PCDH15: variants seen among roughly 807,000 people sequenced by gnomAD.
PCDH15 encodes the protein protocadherin-15.
In PCDH15, 129 loss-of-function variants were observed where a neutral mutation model predicts 178.5. The ratio of observed to expected loss-of-function variants is 0.72; its 90% CI spans 0.63 to 0.84. The LOEUF is 0.84. PCDH15 is among the 40% of genes least tolerant of loss of function. PCDH15 has a pLI of 0.00. For synonymous variants in PCDH15, 800 were observed against 732.0 expected (o/e 1.09, Z -1.50); for missense variants, 2,230 against 2,099.9 (o/e 1.06, Z -1.21).
intron 2 of PCDH15, among the ~76,000 whole-genome samples, chr10:55,166,133 A>G (rs1839190155): frequency 6.6e-6 from 1 of 152,134 alleles, no homozygotes; most frequent in East Asian, 1.9e-4. Context: ...ACTTCTGCCT[A>G]TAATACTCAG....
At chr10:55,235,059 GA>G (rs1841339617) in intron 1 of PCDH15, among the ~76,000 whole-genome samples, 1 of 150,570 alleles carries the variant, frequency 6.6e-6, no homozygotes, top group Non-Finnish European at 1.5e-5. Context: ...TAAAAGTCAC[GA>G]AATCCAGTTT....
intron 15 of PCDH15, among the ~76,000 whole-genome samples, chr10:54,113,182 T>C (rs915964713): frequency 3.3e-5 from 5 of 152,202 alleles, no homozygotes; most frequent in African/African-American, 1.2e-4. Context: ...AATTCAAATA[T>C]GTATAACAAT....
At chr10:55,626,252 T>G (rs1459389564) in intron 2 of PCDH15, among the ~76,000 whole-genome samples, 1 of 152,168 alleles carries the variant, frequency 6.6e-6, no homozygotes, top group Non-Finnish European at 1.5e-5. Context: ...AGTTGCAGTT[T>G]AATGTAAAGG....
intron 13 of PCDH15, among the ~76,000 whole-genome samples, chr10:54,159,849 G>A (rs1207097207): frequency 4.6e-5 from 7 of 152,036 alleles, no homozygotes; most frequent in Admixed American, 4.6e-4. Flanking sequence ...TCGATTTCAG[G>A]GAAATATTTA....
At chr10:55,429,086 C>A (rs1028518929) in intron 2 of PCDH15, among the ~76,000 whole-genome samples, 5 of 152,046 alleles carry the variant, frequency 3.3e-5, no homozygotes, top group Admixed American at 1.3e-4. Context: ...ATTGTTATTA[C>A]TGTTACAAAC....
At chr10:53,835,372 T>G (rs2077247205) in intron 29 of PCDH15, among the ~76,000 whole-genome samples, 2 of 152,288 alleles carry the variant, frequency 1.3e-5, no homozygotes, top group Admixed American at 1.3e-4. Flanking sequence ...ATTTTTAAAT[T>G]TTAATTAAAC....
At chr10:54,163,975 C>T (rs1220210526) in intron 13 of PCDH15, among the ~76,000 whole-genome samples, 2 of 152,080 alleles carry the variant, frequency 1.3e-5, no homozygotes, top group Non-Finnish European at 2.9e-5. Flanking sequence ...AGTCATATTT[C>T]TATGAACTAG....
At chr10:54,040,157 T>A (rs1373865504) in intron 18 of PCDH15, among the ~76,000 whole-genome samples, 1 of 152,034 alleles carries the variant, frequency 6.6e-6, no homozygotes, top group East Asian at 1.9e-4. Context: ...AACTAAAATA[T>A]GACAAATGAT....
chr10:54,285,352 T>C (rs550643046), intron 8 of PCDH15, among the ~76,000 whole-genome samples: 2 of 150,936 alleles, frequency 1.3e-5, no homozygotes, highest in East Asian at 3.9e-4. Context: ...ATCCAAAATA[T>C]ATAAGGAACT....
chr10:55,025,362 C>A (rs1840450353), intron 2 of PCDH15, among the ~76,000 whole-genome samples: 1 of 152,096 alleles, frequency 6.6e-6, no homozygotes, highest in African/African-American at 2.4e-5. Flanking sequence ...TCTCAATTGT[C>A]ATGTGTGTTT....
At chr10:55,614,407 C>T (rs992686761) in intron 2 of PCDH15, among the ~76,000 whole-genome samples, 1 of 152,060 alleles carries the variant, frequency 6.6e-6, no homozygotes, top group Non-Finnish European at 1.5e-5. Flanking sequence ...AAAGTTCTAT[C>T]TTATTGGAAA....
rs112609856 is a variant in PCDH15 at position 55,457,110 on chromosome 10, T to C, written c.-156+170515A>G. Among the ~76,000 whole-genome samples the C allele has an allele frequency of 7.4e-4, 112 of 152,156 alleles. 1 individual carries two copies. Among genetic ancestry groups the C allele is most frequent in the Non-Finnish European group, 1.2e-3 (82 of 67,938 alleles). On this transcript the variant is annotated intron_variant, in intron 2 of 5. Transcript: ENST00000613346. The stretch of plus-strand genomic sequence containing the variant: ...AAGTCCTAAAACGGCATATCACAAA[T>C]TTCTGTTTCAAAAGGAAAGGTGGGA...
intron 2 of PCDH15, among the ~76,000 whole-genome samples, chr10:55,328,913 C>CACAT (rs1402321759): frequency 9.0e-6 from 1 of 111,332 alleles, no homozygotes. Context: ...TTCACACAAA[C>CACAT]ATATATATAT....
At chr10:54,164,371 G>C (rs1304072659) in intron 13 of PCDH15, among the ~76,000 whole-genome samples, 1 of 152,096 alleles carries the variant, frequency 6.6e-6, no homozygotes, top group Non-Finnish European at 1.5e-5. Context: ...TAAAATCTGA[G>C]TGCATACTGA....
chr10:55,478,272 A>G (rs1430304801), intron 2 of PCDH15, among the ~76,000 whole-genome samples: 1 of 151,686 alleles, frequency 6.6e-6, no homozygotes, highest in Non-Finnish European at 1.5e-5. Flanking sequence ...TCACACAGAA[A>G]CTCAACAAAG....
chr10:55,176,435 G>GA (rs1839489228), intron 1 of PCDH15, among the ~76,000 whole-genome samples: 1 of 152,050 alleles, frequency 6.6e-6, no homozygotes, highest in Admixed American at 6.6e-5. Context: ...CAACTCAAGG[G>GA]AAAATTGGCT....
intron 1 of PCDH15, among the ~76,000 whole-genome samples, chr10:55,211,639 T>G (rs889346151): frequency 1.3e-5 from 2 of 152,024 alleles, no homozygotes; most frequent in Non-Finnish European, 2.9e-5. Context: ...TAGCATTAAG[T>G]GAAGTTATTT....
intron 13 of PCDH15, among the ~76,000 whole-genome samples, chr10:54,170,335 A>G (rs554980220): frequency 0.015 from 2,245 of 152,064 alleles, 46 homozygotes; most frequent in African/African-American, 0.051. Context: ...AGCCAGGACC[A>G]CACCCTGTAG....
intron 2 of PCDH15, among the ~76,000 whole-genome samples, chr10:54,631,792 C>A (rs1216825394): frequency 6.6e-6 from 1 of 151,956 alleles, no homozygotes; most frequent in Non-Finnish European, 1.5e-5. Flanking sequence ...AGCGAGGCAC[C>A]TTTTTCATAA....
Sources: allele counts gnomAD v4.1 joint callset (sites outside exome capture counted in the v4.1 genomes callset), GRCh38; gene constraint gnomAD v4.1.1; transcripts MANE v1.5; gene names NCBI Gene and HGNC (gene_info 2026-07-23, HGNC 2026-07-21).